NUAK2: variants seen among roughly 807,000 people sequenced by gnomAD.
NUAK2 encodes the protein NUAK family kinase 2.
NUAK2 carries 20 observed loss-of-function variants against 29.8 expected under a neutral mutation model. The ratio of observed to expected loss-of-function variants is 0.67; its 90% CI spans 0.47 to 0.98. The LOEUF is 0.98. Ranked by LOEUF, NUAK2 falls within the 50% of genes least tolerant of loss-of-function variation. The pLI is 0.00. For missense variants in NUAK2, 719 were observed against 834.5 expected, an observed-to-expected ratio of 0.86 and a Z score of 1.71; for synonymous variants, 331 against 342.6, an observed-to-expected ratio of 0.97 and a Z score of 0.37.
chr1:205,304,412 T>G lies in NUAK2; in HGVS notation c.925A>C (p.Thr309Pro), dbSNP rs55745939. 7.9e-5 allele frequency: 126 copies of G among 1,599,330 alleles called. No homozygotes were observed. Among genetic ancestry groups the G allele is most frequent in the Non-Finnish European group, 1.0e-4 (117 of 1,171,406 alleles). Reference sequence around the variant, plus strand: ...GGAGCCTCCTGCTCTCCCACTCGGGTGGCGTAGCCCCAGTTGACCCACCAG... The same window carrying G: ...GGAGCCTCCTGCTCTCCCACTCGGGGGGCGTAGCCCCAGTTGACCCACCAG... The part of the protein sequence containing the change: ...SHWWVNWGYA[T>P]RVGEQEAPHE... Residue 309 changes from threonine to proline, a missense_variant, in exon 7 of 7, where the codon ACC (threonine) becomes CCC (proline). Physicochemically the swap from Thr to Pro is conservative, Grantham distance 38 (BLOSUM62 -1). This residue lies in a region of NUAK2 where 430 missense variants were observed against 465.7 expected (regional missense o/e 0.92). Transcript: ENST00000367157. This position sits in a 1 kb window ranked among gnomAD's most constrained non-coding sequence, Gnocchi z 6.5.
chr1:205,303,636 T>C lies in NUAK2; in HGVS notation c.1701A>G (p.Pro567=). Residue 567 remains proline (P), a synonymous_variant, in exon 7 of 7, where the codon CCA becomes CCG. Transcript: ENST00000367157. ...TGTCCACAGACACACAGCCCCGCAGTGGGGGCTCTGGGAGCCGTTCAGGCA... is the reference window on the plus strand; with the variant it reads ...TGTCCACAGACACACAGCCCCGCAGCGGGGGCTCTGGGAGCCGTTCAGGCA... The part of the protein sequence containing the change: ...LDLPERLPEP[P]LRGCVSVDNL... The C allele has an allele frequency of 1.3e-6, 2 of 1,591,696 alleles. No homozygotes were observed. The highest frequency in any genetic ancestry group is 2.3e-5 in the South Asian group (2 of 88,682).
At chr1:205,320,101 G>A (rs946563513) in intron 1 of NUAK2, among the ~76,000 whole-genome samples, 1 of 152,210 alleles carries the variant, frequency 6.6e-6, no homozygotes, top group Non-Finnish European at 1.5e-5. Context: ...GAGAATGTAA[G>A]TATTTTAAAC....
chr1:205,321,547 T>A lies in NUAK2; in HGVS notation c.82A>T (p.Ile28Phe), dbSNP rs781248233. The change falls in exon 1 of 7, where the codon ATC becomes TTC. Residue 28 changes from isoleucine to phenylalanine, a missense_variant. Physicochemically the swap from Ile to Phe is conservative, Grantham distance 21 (BLOSUM62 0). Transcript: ENST00000367157. ...ELARPLAEGL[I>F]KSPKPLMKKQ... ...TTCATTAGGGGCTTGGGCGACTTGA[T>A]CAGCCCTTCCGCCAGCGGCCGGGCT... 33 of 1,613,790 alleles carry A rather than the reference T, an allele frequency of 2.0e-5. 1 individual carries two copies. In the South Asian group the frequency reaches 3.6e-4, roughly 18 times the overall value.
rs1662217831 is a variant in NUAK2, at chr1:205,308,763, C to T, written c.353-31G>A. ...CAGAGCAAGGCAAGGAACGTCAGGCCCTCCCAGAGTGCACTGCTCTCCACT... is the reference window on the plus strand; with the variant it reads ...CAGAGCAAGGCAAGGAACGTCAGGCTCTCCCAGAGTGCACTGCTCTCCACT... On this transcript the variant is annotated intron_variant, in intron 2 of 6. Transcript: ENST00000367157. This position sits in a 1 kb window ranked among gnomAD's most constrained non-coding sequence, Gnocchi z 4.1. 1 of 1,608,848 alleles carries T rather than the reference C, an allele frequency of 6.2e-7. No homozygotes were observed. The highest frequency in any genetic ancestry group is 8.5e-7 in the Non-Finnish European group (1 of 1,176,860).
chr1:205,318,044 G>A (rs537168754), intron 1 of NUAK2, among the ~76,000 whole-genome samples: 7 of 152,332 alleles, frequency 4.6e-5, no homozygotes, highest in South Asian at 2.1e-4. Context: ...ATCCCACGAG[G>A]TAGGAATAAT....
chr1:205,305,572 C>T (rs1163771122), intron 5 of NUAK2: 2 of 929,812 alleles, frequency 2.2e-6, no homozygotes, highest in African/African-American at 1.8e-5. Flanking sequence ...GTGGTTGTGA[C>T]AGATATCATC....
intron 1 of NUAK2, among the ~76,000 whole-genome samples, chr1:205,317,458 G>A (rs532763581): frequency 8.4e-4 from 128 of 152,328 alleles, no homozygotes; most frequent in African/African-American, 1.1e-3. Context: ...CCCAGGCTGG[G>A]CAGAGTGGGG....
At chr1:205,321,182 C>T (rs2102263207) in intron 1 of NUAK2, among the ~76,000 whole-genome samples, 1 of 152,318 alleles carries the variant, frequency 6.6e-6, no homozygotes, top group East Asian at 1.9e-4. Context: ...TACGGTGTTG[C>T]TGGCTGGGGT....
At chr1:205,315,534 G>A (rs1662314687) in intron 1 of NUAK2, among the ~76,000 whole-genome samples, 1 of 152,130 alleles carries the variant, frequency 6.6e-6, no homozygotes, top group Admixed American at 6.5e-5. Context: ...AGGGACCTTT[G>A]TTCTCATCTG....
intron 1 of NUAK2, among the ~76,000 whole-genome samples, chr1:205,319,464 G>A (rs1296592162): frequency 6.6e-6 from 1 of 151,650 alleles, no homozygotes; most frequent in Non-Finnish European, 1.5e-5. Context: ...AGTGACCTGG[G>A]TCAAGAGCCT....
intron 1 of NUAK2, among the ~76,000 whole-genome samples, chr1:205,314,394 C>T (rs1332006580): frequency 6.6e-6 from 1 of 152,234 alleles, no homozygotes; most frequent in Admixed American, 6.5e-5. Context: ...CCCCCTTCTG[C>T]TCCAAACCAT....
Position 205,304,859 on chromosome 1 carries a change from C to G in NUAK2, c.823+340G>C, listed in dbSNP as rs1010226585. On this transcript the variant is annotated intron_variant, in intron 6 of 6. Transcript: ENST00000367157. The surrounding 1 kb of genome is among the most constrained non-coding windows in gnomAD (Gnocchi z 6.5). ...CAGGGTAAACTGGGTCTCTCACACC[C>G]TTCTTCCTGCCTTCTGAGTCATAGT... Among the ~76,000 whole-genome samples the G allele has an allele frequency of 1.3e-5, 2 of 152,218 alleles. No individual in the cohort carries two copies. The highest frequency in any genetic ancestry group is 2.9e-5 in the Non-Finnish European group (2 of 68,042).
chr1:205,310,667 C>CATATACACACACACACATAT, intron 2 of NUAK2, among the ~76,000 whole-genome samples: 1 of 152,078 alleles, frequency 6.6e-6, no homozygotes, highest in Non-Finnish European at 1.5e-5. Context: ...AGGCAGAATT[C>CATATACACACACACACATAT]ATATACACAC....
At position 205,303,536 on chromosome 1, in the gene NUAK2, C is replaced by T. The variant is rs1662118267; in HGVS notation, c.1801G>A (p.Gly601Arg). The T allele has an allele frequency of 1.9e-6, 3 of 1,613,650 alleles. No individual in the cohort carries two copies. The highest frequency in any genetic ancestry group is 2.5e-6 in the Non-Finnish European group (3 of 1,179,928). ...TCTGTCAGGGAAAAGCAGCTGTCCC[C>T]CAAAGGATCCTGCCGCCAGCGCCTC... ...CLRRWRQDPL[G>R]DSCFSLTDCQ... Residue 601 changes from glycine to arginine, a missense_variant, in exon 7 of 7, where the codon GGG (glycine) becomes AGG (arginine). Around this residue, in one of 3 missense-constraint regions of NUAK2, gnomAD observed 430 missense variants for 465.7 expected, o/e 0.92. Coordinates refer to ENST00000367157, the MANE Select transcript of NUAK2 (RefSeq NM_030952.3).
chr1:205,310,193 G>A (rs1343423853), intron 2 of NUAK2, among the ~76,000 whole-genome samples: 1 of 152,218 alleles, frequency 6.6e-6, no homozygotes, highest in Non-Finnish European at 1.5e-5. Flanking sequence ...TTTGTCCAGG[G>A]GGACAGGAAT....
chr1:205,319,645 C>T (rs772558705), intron 1 of NUAK2, among the ~76,000 whole-genome samples: 2 of 152,148 alleles, frequency 1.3e-5, no homozygotes, highest in Non-Finnish European at 2.9e-5. Flanking sequence ...GGAGCCTCAC[C>T]GGGCCCTCAC....
At position 205,321,380 on chromosome 1, in the gene NUAK2, A is replaced by G. The variant is rs766270700; in HGVS notation, c.231+18T>C. ...AAGCCGGAGCCCGCCCCGCGCCGCG[A>G]GAGGGAGCCGCACTCACCAGGCGCC... On this transcript the variant is annotated intron_variant, in intron 1 of 6. Coordinates refer to ENST00000367157, the MANE Select transcript of NUAK2 (RefSeq NM_030952.3). 74 of 1,596,026 alleles carry G rather than the reference A, an allele frequency of 4.6e-5. No individual in the cohort carries two copies. Among genetic ancestry groups the G allele is most frequent in the Non-Finnish European group, 6.2e-5 (72 of 1,170,514 alleles).
Position 205,305,248 on chromosome 1 carries a change from T to C in NUAK2, c.774A>G (p.Leu258=), listed in dbSNP as rs1387332667. Residue 258 remains leucine (L), a synonymous_variant, in exon 6 of 7, where the codon CTA becomes CTG. Transcript: ENST00000367157. ...AGGCCCCGTTGCTGATCTGTTTCAC[T>C]AGGATCTTATGGTCATGCCCATCAA... is the stretch of plus-strand genomic sequence containing the variant. ...MPFDGHDHKI[L]VKQISNGAYR... is the part of the protein sequence containing the mutation. 1 of 1,614,204 alleles carries C rather than the reference T, an allele frequency of 6.2e-7. No homozygotes were observed. Among genetic ancestry groups the C allele is most frequent in the Admixed American group, 1.7e-5 (1 of 60,024 alleles).
chr1:205,313,691 C>T (rs1288039483), intron 1 of NUAK2, among the ~76,000 whole-genome samples: 3 of 151,158 alleles, frequency 2.0e-5, no homozygotes, highest in Admixed American at 6.6e-5. Flanking sequence ...GTGAAACAAA[C>T]AGGTTGAACT....
Sources: allele counts gnomAD v4.1 joint callset (sites outside exome capture counted in the v4.1 genomes callset), GRCh38; gene constraint gnomAD v4.1.1; regional missense constraint gnomAD v4.1.1; non-coding constraint Gnocchi (gnomAD v3.1); transcripts MANE v1.5; gene names NCBI Gene and HGNC (gene_info 2026-07-23, HGNC 2026-07-21).